Variants in RBM44 observed in about 807,000 individuals in gnomAD.
The protein encoded by RBM44 is RNA binding motif protein 44, also known as RNA-binding protein 44.
RBM44 carries 66 observed loss-of-function variants against 105.1 expected under a neutral mutation model. The ratio of observed to expected loss-of-function variants is 0.63; its 90% confidence interval spans 0.52 to 0.77. The LOEUF (loss-of-function observed/expected upper bound fraction) is 0.77, where lower values mean the gene tolerates loss of function less well. RBM44 is among the 30% of genes least tolerant of loss of function. The pLI is 0.00. For synonymous variants in RBM44, 365 were observed against 417.6 expected, an observed-to-expected ratio of 0.87 and a Z score of 1.54; for missense variants, 1,122 against 1,207.8, an observed-to-expected ratio of 0.93 and a Z score of 1.05.
chr2:237,818,983 A>C lies in RBM44; in HGVS notation c.1736+24A>C. 8.0e-7 allele frequency: 1 copy of C among 1,247,686 alleles called. No homozygotes were observed. The highest frequency in any genetic ancestry group is 1.1e-6 in the Non-Finnish European group (1 of 889,696). The allele number at this position is 1,247,686 out of a possible 1,614,324, so 77.3% of individuals were successfully genotyped here. ...AGGTACATCATTTATATATGCTTAC[A>C]GATACATCTGGAAGAAAAAATCAAA... On this transcript the variant is annotated intron_variant, in intron 4 of 15. Transcript: ENST00000316997. This position sits in a 1 kb window ranked among gnomAD's most constrained non-coding sequence, Gnocchi z 4.6.
intron 1 of RBM44, among the ~76,000 whole-genome samples, chr2:237,805,998 A>G (rs900423884): frequency 1.3e-5 from 2 of 152,140 alleles, no homozygotes; most frequent in East Asian, 3.9e-4. Flanking sequence ...TAAAACAACA[A>G]CAACAACAAA....
intron 1 of RBM44, among the ~76,000 whole-genome samples, chr2:237,812,898 T>C (rs980213955): frequency 1.4e-4 from 22 of 152,204 alleles, no homozygotes; most frequent in African/African-American, 4.8e-4. Flanking sequence ...CCTGAGTTGA[T>C]TTTATGAATG....
rs771090506 is a variant in RBM44 at position 237,820,331 on chromosome 2, A to G, written c.1893A>G (p.Glu631=). Reference sequence around the variant, plus strand: ...GTGATATTTACAAACTTGTCATGGAAAATAGGGAAGGATTAAATATGTGTT... The same window carrying G: ...GTGATATTTACAAACTTGTCATGGAGAATAGGGAAGGATTAAATATGTGTT... ...HCCDIYKLVM[E]NREGLNMNLS... is the part of the protein sequence containing the mutation. The change falls in exon 5 of 16, where the codon GAA becomes GAG. Residue 631 remains glutamate, a synonymous_variant. Coordinates refer to ENST00000316997, the MANE Select transcript of RBM44 (RefSeq NM_001080504.3). 4 of 1,590,362 alleles carry G rather than the reference A, an allele frequency of 2.5e-6. No individual in the cohort carries two copies. The Admixed American group carries it at 7.0e-5, about 28-fold the overall frequency.
chr2:237,818,536 A>G lies in RBM44; in HGVS notation c.1617A>G (p.Lys539=). The change falls in exon 3 of 16, where the codon AAA becomes AAG. Residue 539 remains lysine (K), a synonymous_variant. Transcript: ENST00000316997. The surrounding 1 kb of genome is among the most constrained non-coding windows in gnomAD (Gnocchi z 4.6). ...TAGATACACAGATGGCTATAACAAA[A>G]GGATCAGGAAAATCTCTCTCCGTTG... ...DCIDTQMAIT[K]GSGKSLSVDS... is the part of the protein sequence containing the mutation. The G allele has an allele frequency of 3.1e-6, 5 of 1,598,320 alleles. No individual in the cohort carries two copies. The highest frequency in any genetic ancestry group is 4.3e-6 in the Non-Finnish European group (5 of 1,173,210).
chr2:237,806,931 A>G (rs2061604668), intron 1 of RBM44, among the ~76,000 whole-genome samples: 1 of 152,290 alleles, frequency 6.6e-6, no homozygotes, highest in East Asian at 1.9e-4. Flanking sequence ...CTACTTTTTA[A>G]TATTTCTCAA....
chr2:237,828,751 A>G (rs953051074), intron 12 of RBM44, among the ~76,000 whole-genome samples: 2 of 152,174 alleles, frequency 1.3e-5, no homozygotes, highest in African/African-American at 2.4e-5. Context: ...TTGTCTGTAT[A>G]TTTCCCCACT....
chr2:237,823,354 T>C, intron 8 of RBM44, 86 bp from the exon 9 acceptor site: 1 of 630,680 alleles, frequency 1.6e-6, no homozygotes, highest in Non-Finnish European at 2.8e-6. Flanking sequence ...AAAGGCTGAA[T>C]AATGCCAGTG....
chr2:237,807,303 CA>C (rs2061609209), intron 1 of RBM44, among the ~76,000 whole-genome samples: 1 of 152,224 alleles, frequency 6.6e-6, no homozygotes, highest in South Asian at 2.1e-4. Flanking sequence ...CACCTGCCAC[CA>C]CACCTGGCTA....
chr2:237,827,153 G>A, intron 10 of RBM44, 97 bp from the exon 11 acceptor site: 1 of 717,006 alleles, frequency 1.4e-6, no homozygotes, highest in African/African-American at 1.8e-5. Flanking sequence ...CTCTGGGTTA[G>A]TAGAAAGGAA....
At chr2:237,834,230 A>C (rs372770583) in intron 14 of RBM44, 48 bp from the exon 15 acceptor site, 31 of 1,536,080 alleles carry the variant, frequency 2.0e-5, no homozygotes, top group Non-Finnish European at 2.6e-5. Context: ...TTCAGAATGT[A>C]TTCCTTTGGA....
At chr2:237,808,391 A>G (rs932344496) in intron 1 of RBM44, among the ~76,000 whole-genome samples, 6 of 151,858 alleles carry the variant, frequency 4.0e-5, no homozygotes, top group African/African-American at 1.5e-4. Context: ...TCAAGACTGC[A>G]GTGAGCCATG....
chr2:237,802,571 A>G (rs995558645), intron 1 of RBM44, among the ~76,000 whole-genome samples: 1 of 152,190 alleles, frequency 6.6e-6, no homozygotes, highest in South Asian at 2.1e-4. Context: ...CTATATTTTT[A>G]ATGAGCGCCC....
intron 15 of RBM44, among the ~76,000 whole-genome samples, chr2:237,835,339 A>T (rs1182381975): frequency 3.3e-5 from 5 of 152,226 alleles, no homozygotes; most frequent in Non-Finnish European, 7.3e-5. Context: ...AGAAAGAGTC[A>T]CATTAAATGA....
intron 13 of RBM44, among the ~76,000 whole-genome samples, chr2:237,831,235 C>CT (rs201763104): frequency 0.045 from 4,037 of 88,800 alleles, 280 homozygotes; most frequent in African/African-American, 0.15. Flanking sequence ...CTTATTTGTC[C>CT]TTTTTTTTGG....
rs2061931165 is a variant in RBM44 at position 237,834,064 on chromosome 2, T to C, written c.2954T>C (p.Ile985Thr). The change falls in exon 14 of 16, where the codon ATA (isoleucine) becomes ACA (threonine). Residue 985 changes from isoleucine to threonine, a missense_variant. By Grantham distance (89) the Ile-to-Thr change is moderately conservative. Coordinates refer to ENST00000316997, the MANE Select transcript of RBM44 (RefSeq NM_001080504.3). ...TTACCTGATACACCCGTTCAATTCA[T>C]ACCTCCAAATACATTGAACCTTCGT... ...KLLPDTPVQF[I>T]PPNTLNLRSF... is the part of the protein sequence containing the mutation. 6.3e-7 allele frequency: 1 copy of C among 1,577,846 alleles called. No individual in the cohort carries two copies. Among genetic ancestry groups the C allele is most frequent in the African/African-American group, 1.3e-5 (1 of 74,448 alleles).
intron 1 of RBM44, among the ~76,000 whole-genome samples, chr2:237,804,803 T>G (rs1037928246): frequency 1.6e-4 from 24 of 152,212 alleles, no homozygotes; most frequent in Admixed American, 1.6e-3. Context: ...TTAGTTTAAT[T>G]AGGTGCCACT....
rs2061751736 is a variant in RBM44, at chr2:237,818,837, C to G, written c.1678-64C>G. 2 of 942,656 alleles carry G rather than the reference C, an allele frequency of 2.1e-6. No homozygotes were observed. Among genetic ancestry groups the G allele is most frequent in the Middle Eastern group, 2.7e-4 (1 of 3,736 alleles). The allele number at this position is 942,656 out of a possible 1,614,324, so 58.4% of individuals were successfully genotyped here. ...AAAATCCATTAGAAATTGAATTGTACATTTTATTAGTTTGGAATTTCAGAT... is the reference window on the plus strand; with the variant it reads ...AAAATCCATTAGAAATTGAATTGTAGATTTTATTAGTTTGGAATTTCAGAT... On this transcript the variant is annotated intron_variant, in intron 3 of 15. Coordinates refer to ENST00000316997, the MANE Select transcript of RBM44 (RefSeq NM_001080504.3). The surrounding 1 kb of genome is among the most constrained non-coding windows in gnomAD (Gnocchi z 4.6).
chr2:237,800,122 C>A (rs1466019536), intron 1 of RBM44, among the ~76,000 whole-genome samples: 1 of 152,166 alleles, frequency 6.6e-6, no homozygotes. Flanking sequence ...GTTCTGATTT[C>A]TCCATGACCT....
intron 2 of RBM44, among the ~76,000 whole-genome samples, chr2:237,815,769 T>A (rs961385953): frequency 1.8e-4 from 28 of 152,130 alleles, no homozygotes; most frequent in African/African-American, 5.6e-4. Flanking sequence ...TTCCTCTTAC[T>A]ATCATCTCTA....
Sources: gnomAD v4.1 joint callset for allele counts (sites outside exome capture counted in the v4.1 genomes callset) on GRCh38, gnomAD v4.1.1 for gene constraint, Gnocchi (gnomAD v3.1) non-coding constraint, MANE v1.5 for transcripts, NCBI Gene and HGNC (gene_info 2026-07-23, HGNC 2026-07-21) for gene names.